Variants in MEGF11 observed in about 807,000 individuals in gnomAD.
The protein encoded by MEGF11 is multiple EGF like domains 11.
In MEGF11, 126 loss-of-function variants were observed where a neutral mutation model predicts 146.6. The observed-to-expected ratio is 0.86, with a 90% CI of 0.74 to 1.00. The LOEUF (loss-of-function observed/expected upper bound fraction) is 1.00. MEGF11 is among the 50% of genes least tolerant of loss of function. MEGF11 has a pLI of 0.00. For synonymous variants in MEGF11, 532 were observed against 583.4 expected (o/e 0.91, Z 1.27); for missense variants, 1,509 against 1,521.2 (o/e 0.99, Z 0.13).
intron 5 of MEGF11, among the ~76,000 whole-genome samples, chr15:66,073,969 T>C (rs1300804443): frequency 6.6e-6 from 1 of 152,244 alleles, no homozygotes; most frequent in East Asian, 1.9e-4. Flanking sequence ...CTGTTTCATG[T>C]ATTCTGTAAA....
chr15:66,151,543 C>A (rs552974493), intron 1 of MEGF11, among the ~76,000 whole-genome samples: 8 of 152,342 alleles, frequency 5.3e-5, no homozygotes, highest in Non-Finnish European at 1.2e-4. Flanking sequence ...ATCCCTACAT[C>A]TCCTTCCAGG....
At position 65,909,068 on chromosome 15, in the gene MEGF11, T is replaced by TCGA. The variant is rs1341080750; in HGVS notation, c.2963_2964insTCG (p.Leu987_Arg988insSer). On this transcript the variant is annotated inframe_insertion, in exon 23 of 26. Transcript: ENST00000395614. ...GTGGCTCAGCGGGGCGGCTGAGGTG[T>TCGA]CTAAGTTCAATGTAGAAGTCCTCGG... 4.6e-6 allele frequency: 7 copies of TCGA among 1,534,992 alleles called. No homozygotes were observed. Among genetic ancestry groups the TCGA allele is most frequent in the Non-Finnish European group, 6.1e-6 (7 of 1,146,574 alleles).
chr15:66,166,222 G>A (rs991524340), intron 1 of MEGF11, among the ~76,000 whole-genome samples: 9 of 152,076 alleles, frequency 5.9e-5, no homozygotes, highest in African/African-American at 1.9e-4. Flanking sequence ...AGGGTTTGCC[G>A]CCATGGGGAG....
chr15:66,192,470 A>AAAAAT (rs56910946), intron 1 of MEGF11, among the ~76,000 whole-genome samples: 10,377 of 130,306 alleles, frequency 0.08, 607 homozygotes, highest in Middle Eastern at 0.13. Context: ...ACTCCATCTC[A>AAAAAT]AAAATAAAAT....
intron 5 of MEGF11, among the ~76,000 whole-genome samples, chr15:66,047,669 C>G (rs185729586): frequency 6.6e-6 from 1 of 152,336 alleles, no homozygotes; most frequent in Non-Finnish European, 1.5e-5. Context: ...CCATCCAAAC[C>G]ACCAGTGAAG....
intron 5 of MEGF11, among the ~76,000 whole-genome samples, chr15:66,084,590 G>A (rs757877127): frequency 1.3e-5 from 2 of 152,152 alleles, no homozygotes; most frequent in Non-Finnish European, 2.9e-5. Context: ...ACTTTACCAG[G>A]AGCTGAATCA....
At chr15:66,249,177 G>T (rs557472768) in intron 1 of MEGF11, among the ~76,000 whole-genome samples, 2 of 152,162 alleles carry the variant, frequency 1.3e-5, no homozygotes, top group African/African-American at 4.8e-5. Context: ...GTGAACCTGT[G>T]GTGTGGACTT....
At chr15:66,178,697 C>A (rs1343072490) in intron 1 of MEGF11, among the ~76,000 whole-genome samples, 1 of 152,182 alleles carries the variant, frequency 6.6e-6, no homozygotes, top group Non-Finnish European at 1.5e-5. Context: ...GTTTCAGCCC[C>A]AGGTATTCAG....
At chr15:65,941,279 C>T (rs541824286) in intron 10 of MEGF11, among the ~76,000 whole-genome samples, 3 of 152,066 alleles carry the variant, frequency 2.0e-5, no homozygotes, top group South Asian at 2.1e-4. Context: ...AGTTGGGCGT[C>T]GTGGCAGGCA....
At chr15:66,098,312 T>C (rs994061875) in intron 4 of MEGF11, among the ~76,000 whole-genome samples, 4 of 152,162 alleles carry the variant, frequency 2.6e-5, no homozygotes, top group African/African-American at 9.7e-5. Context: ...GGTGGCCCCA[T>C]CTGCTGTCCC....
rs74858253 is a variant in MEGF11 at position 65,957,728 on chromosome 15, A to G, written c.1113-7T>C. ...TCCAGTTACTGGGTGGCAGCTGCAC[A>G]GATGAGAGAAGGGTGAGAAGACAGC... On this transcript the variant is annotated splice_region_variant and splice_polypyrimidine_tract_variant and intron_variant, in intron 9 of 25. Coordinates refer to ENST00000395614, the MANE Select transcript of MEGF11 (RefSeq NM_001385028.1). The G allele has an allele frequency of 1.9e-3, 3,136 of 1,613,408 alleles. 48 individuals carry two copies. In the Admixed American group the frequency reaches 0.028, roughly 15 times the overall value.
intron 5 of MEGF11, among the ~76,000 whole-genome samples, chr15:66,034,380 G>A (rs779522371): frequency 6.8e-6 from 1 of 147,480 alleles, no homozygotes; most frequent in Non-Finnish European, 1.5e-5. Flanking sequence ...GAATTTTGGG[G>A]GTTGGGGTGG....
chr15:66,169,109 A>G (rs1338200453), intron 1 of MEGF11, among the ~76,000 whole-genome samples: 1 of 152,260 alleles, frequency 6.6e-6, no homozygotes, highest in Non-Finnish European at 1.5e-5. Flanking sequence ...GTTAGACTGC[A>G]CTATCTGGTC....
chr15:66,002,139 A>C (rs2082386742), intron 5 of MEGF11, among the ~76,000 whole-genome samples: 1 of 152,016 alleles, frequency 6.6e-6, no homozygotes, highest in South Asian at 2.1e-4. Flanking sequence ...TCTTGCCTGC[A>C]TCTTGGTGGT....
At chr15:66,082,772 G>A (rs1370027486) in intron 5 of MEGF11, among the ~76,000 whole-genome samples, 6 of 149,470 alleles carry the variant, frequency 4.0e-5, no homozygotes, top group Admixed American at 6.7e-5. Context: ...CCTCCAAATC[G>A]TGGCCCCTCA....
intron 1 of MEGF11, among the ~76,000 whole-genome samples, chr15:66,154,090 A>G (rs2089664314): frequency 6.6e-6 from 1 of 152,220 alleles, no homozygotes; most frequent in Non-Finnish European, 1.5e-5. Context: ...AGGCAAAAAC[A>G]AACAAAAAAA....
intron 10 of MEGF11, among the ~76,000 whole-genome samples, chr15:65,941,597 C>T (rs551948409): frequency 6.6e-6 from 1 of 152,298 alleles, no homozygotes; most frequent in Admixed American, 6.5e-5. Flanking sequence ...TTCTTTTCTC[C>T]TCTGTATTGA....
intron 1 of MEGF11, among the ~76,000 whole-genome samples, chr15:66,141,348 A>T (rs1157364662): frequency 3.3e-5 from 5 of 150,792 alleles, no homozygotes; most frequent in African/African-American, 4.9e-5. Context: ...AGCTTCCTCC[A>T]TGCTCACGAG....
At chr15:66,219,821 A>G (rs1208649153) in intron 1 of MEGF11, among the ~76,000 whole-genome samples, 2 of 152,196 alleles carry the variant, frequency 1.3e-5, no homozygotes, top group East Asian at 3.8e-4. Context: ...TAGCAGCCTT[A>G]TTTATAATAG....
Sources: allele counts gnomAD v4.1 joint callset (sites outside exome capture counted in the v4.1 genomes callset), GRCh38; gene constraint gnomAD v4.1.1; transcripts MANE v1.5; gene names NCBI Gene and HGNC (gene_info 2026-07-23, HGNC 2026-07-21).